Variants in PLCH1 observed in about 807,000 individuals in gnomAD.
The protein encoded by PLCH1 is 1-phosphatidylinositol 4,5-bisphosphate phosphodiesterase eta-1.
In PLCH1, 60 loss-of-function variants were observed where a neutral mutation model predicts 126.7. The ratio of observed to expected loss-of-function variants is 0.47; its 90% CI spans 0.38 to 0.59. The LOEUF (loss-of-function observed/expected upper bound fraction) is 0.59, where lower values mean the gene tolerates loss of function less well. PLCH1 is among the 20% of genes least tolerant of loss of function. The pLI is 0.00. For synonymous variants in PLCH1, 719 were observed against 734.9 expected, an observed-to-expected ratio of 0.98 and a Z score of 0.35; for missense variants, 1,723 against 2,040.0, an observed-to-expected ratio of 0.84 and a Z score of 2.99.
At chr3:155,632,787 G>A (rs932208) in intron 2 of PLCH1, among the ~76,000 whole-genome samples, 25,686 of 152,044 alleles carry the variant, frequency 0.17, 2,549 homozygotes, top group African/African-American at 0.27. Context: ...TTATTATTAT[G>A]AATGCTCATG....
At chr3:155,718,097 TAA>T (rs1362969782) in intron 1 of PLCH1, among the ~76,000 whole-genome samples, 1 of 152,212 alleles carries the variant, frequency 6.6e-6, no homozygotes, top group Non-Finnish European at 1.5e-5. Context: ...ACTCTGAAGT[TAA>T]AGTGTCTATA....
intron 10 of PLCH1, among the ~76,000 whole-genome samples, chr3:155,524,239 A>G (rs1721607497): frequency 6.6e-6 from 1 of 152,226 alleles, no homozygotes; most frequent in Non-Finnish European, 1.5e-5. Context: ...AGTGTATTGT[A>G]TGATTCCATT....
chr3:155,505,010 G>T (rs1299315490), intron 12 of PLCH1, among the ~76,000 whole-genome samples: 1 of 152,184 alleles, frequency 6.6e-6, no homozygotes, highest in Non-Finnish European at 1.5e-5. Context: ...TTTCAGTTAA[G>T]TAGGGATTCA....
At chr3:155,680,516 A>G (rs2109013300) in intron 2 of PLCH1, among the ~76,000 whole-genome samples, 1 of 152,318 alleles carries the variant, frequency 6.6e-6, no homozygotes, top group South Asian at 2.1e-4. Flanking sequence ...AGTCACACCC[A>G]GCTACCACTT....
At chr3:155,687,201 T>C (rs1745018315) in intron 2 of PLCH1, among the ~76,000 whole-genome samples, 7 of 152,166 alleles carry the variant, frequency 4.6e-5, no homozygotes, top group Admixed American at 4.6e-4. Flanking sequence ...GAAATAATGC[T>C]GAAGTATAGA....
chr3:155,585,515 T>TA (rs1286259634), intron 5 of PLCH1, among the ~76,000 whole-genome samples: 1 of 152,136 alleles, frequency 6.6e-6, no homozygotes, highest in East Asian at 1.9e-4. Flanking sequence ...TGCCACAGAA[T>TA]AAGTCTGGGC....
intron 1 of PLCH1, among the ~76,000 whole-genome samples, chr3:155,729,770 T>A (rs1295407437): frequency 1.3e-5 from 2 of 151,678 alleles, no homozygotes; most frequent in African/African-American, 4.8e-5. Context: ...TAGTAAAAAT[T>A]CAAATGTTAT....
At chr3:155,526,483 CTCTCAT>C (rs774001694) in intron 10 of PLCH1, among the ~76,000 whole-genome samples, 1 of 108,850 alleles carries the variant, frequency 9.2e-6, no homozygotes, top group Non-Finnish European at 2.0e-5. Context: ...CTTTCTCTCT[CTCTCAT>C]ACACACACAC....
intron 10 of PLCH1, among the ~76,000 whole-genome samples, chr3:155,526,122 C>T (rs1342492718): frequency 6.6e-6 from 1 of 152,074 alleles, no homozygotes; most frequent in Non-Finnish European, 1.5e-5. Flanking sequence ...GGAACAAAAC[C>T]AGGCTCTGAG....
At chr3:155,534,302 A>G (rs1043817000) in intron 10 of PLCH1, among the ~76,000 whole-genome samples, 6 of 152,320 alleles carry the variant, frequency 3.9e-5, no homozygotes, top group Admixed American at 1.3e-4. Flanking sequence ...ACATAGAATC[A>G]AAGGAGATTA....
chr3:155,488,800 T>G lies in PLCH1; in HGVS notation c.2399A>C (p.Asn800Thr). Residue 800 changes from asparagine to threonine, a missense_variant, in exon 20 of 23, where the codon AAC becomes ACC. Physicochemically the swap from Asn to Thr is moderately conservative, Grantham distance 65. Coordinates refer to ENST00000460012, the MANE Select transcript of PLCH1 (RefSeq NM_014996.4). ...QTRVVDDNGF[N>T]PVWEETLTFT... ...TGTCAGTGTTTCTTCCCACACAGGGTTAAATCCTCAGAGAAATAGGAAAAG... is the reference window on the plus strand; with the variant it reads ...TGTCAGTGTTTCTTCCCACACAGGGGTAAATCCTCAGAGAAATAGGAAAAG... 6.2e-7 allele frequency: 1 copy of G among 1,606,076 alleles called. No homozygotes were observed. Among genetic ancestry groups the G allele is most frequent in the Non-Finnish European group, 8.5e-7 (1 of 1,177,852 alleles).
At chr3:155,499,602 T>C (rs1170091758) in intron 14 of PLCH1, among the ~76,000 whole-genome samples, 1 of 152,194 alleles carries the variant, frequency 6.6e-6, no homozygotes, top group African/African-American at 2.4e-5. Context: ...AATCTATAGT[T>C]GACACTAAGC....
intron 2 of PLCH1, among the ~76,000 whole-genome samples, chr3:155,663,639 G>A (rs1301912132): frequency 1.3e-5 from 2 of 152,166 alleles, no homozygotes; most frequent in Admixed American, 1.3e-4. Context: ...AGTTGTGTGT[G>A]CCTCACGCAG....
At position 155,744,984 on chromosome 3, in the gene PLCH1, A is replaced by C. The variant is rs1749880401; in HGVS notation, c.-185T>G. The stretch of plus-strand genomic sequence containing the variant: ...TGCCAAGGGCCAGAAAAGCCCCCCT[A>C]GAAGAGCACTTCTCCCCACTAGCCA... On this transcript the variant is annotated 5_prime_UTR_variant, in exon 1 of 23. Transcript: ENST00000460012. The C allele has an allele frequency of 6.6e-6, 1 of 152,580 alleles. No homozygotes were observed. The highest frequency in any genetic ancestry group is 2.4e-5 in the African/African-American group (1 of 41,502). 9.5% of individuals were successfully genotyped at this position (152,580 alleles called of 1,614,324 possible). A position where few individuals can be genotyped will look rare whatever the true frequency, so the allele number is the denominator to read the frequency against.
At chr3:155,579,686 GA>G (rs1373763177) in intron 6 of PLCH1, among the ~76,000 whole-genome samples, 1 of 152,192 alleles carries the variant, frequency 6.6e-6, no homozygotes, top group Non-Finnish European at 1.5e-5. Context: ...GAGACATCAA[GA>G]AAGGCATTAA....
chr3:155,467,640 T>C (rs1444666777), intron 21 of PLCH1, among the ~76,000 whole-genome samples: 1 of 151,580 alleles, frequency 6.6e-6, no homozygotes, highest in Non-Finnish European at 1.5e-5. Context: ...TTACAATACA[T>C]CTGGCTGCAG....
chr3:155,729,095 G>A (rs973506854), intron 1 of PLCH1, among the ~76,000 whole-genome samples: 8 of 152,110 alleles, frequency 5.3e-5, no homozygotes, highest in African/African-American at 1.2e-4. Context: ...GTCTGCTCAC[G>A]ATTCCTTCAT....
chr3:155,580,880 A>G (rs1730577824), intron 6 of PLCH1, among the ~76,000 whole-genome samples: 1 of 152,186 alleles, frequency 6.6e-6, no homozygotes, highest in Non-Finnish European at 1.5e-5. Flanking sequence ...ATCATAAAGT[A>G]TCAAAAAAAG....
At chr3:155,631,008 T>C (rs1040204984) in intron 2 of PLCH1, among the ~76,000 whole-genome samples, 1 of 152,204 alleles carries the variant, frequency 6.6e-6, no homozygotes, top group African/African-American at 2.4e-5. Context: ...TACTTCTAAT[T>C]TTTAATTTTT....
Sources: gnomAD v4.1 joint callset for allele counts (sites outside exome capture counted in the v4.1 genomes callset) on GRCh38, gnomAD v4.1.1 for gene constraint, MANE v1.5 for transcripts, NCBI Gene and HGNC (gene_info 2026-07-23, HGNC 2026-07-21) for gene names.